ZNF449: variants seen among roughly 807,000 people sequenced by gnomAD.
The protein encoded by ZNF449 is zinc finger and SCAN domain-containing protein 19.
In ZNF449, 4 loss-of-function variants were observed where a neutral mutation model predicts 32.6. That is an observed-to-expected ratio of 0.12 (90% CI 0.06 to 0.28). ZNF449 has a LOEUF of 0.28. Among genes scored for constraint, ZNF449 ranks in the 10% least tolerant of loss-of-function variants. The pLI, the probability that ZNF449 is intolerant of heterozygous loss-of-function variation, is 1.00. For missense variants in ZNF449, 275 were observed against 383.2 expected (o/e 0.72, Z 2.36); for synonymous variants, 123 against 132.2 (o/e 0.93, Z 0.48).
intron 2 of ZNF449, 120 bp downstream of exon 2, chrX:135,347,592 C>T (rs1175558386): frequency 4.3e-6 from 5 of 1,165,211 alleles, no homozygotes; most frequent in Non-Finnish European, 4.6e-6. Context: ...CCAGAGTCCT[C>T]TTCCTTTTTC....
chrX:135,345,665 A>G (rs782806823), intron 1 of ZNF449, among the ~76,000 whole-genome samples: 1 of 112,357 alleles, frequency 8.9e-6, no homozygotes, highest in East Asian at 2.8e-4. Flanking sequence ...TCACACAGCT[A>G]GCAGGTTATT....
In ZNF449 at chrX:135,360,827, A is replaced by G. The variant is rs2084943060; in HGVS notation, c.1308A>G (p.Arg436=). ...CTCATACAGGTGAAAAACCTCATAGATGTCATAATTGTGGGAAAAGTTTTA... is the reference window on the plus strand; with the variant it reads ...CTCATACAGGTGAAAAACCTCATAGGTGTCATAATTGTGGGAAAAGTTTTA... ...LKTHTGEKPH[R]CHNCGKSFSR... Residue 436 remains arginine, a synonymous_variant, in exon 5 of 5, where the codon AGA becomes AGG. Coordinates refer to ENST00000339249, the MANE Select transcript of ZNF449 (RefSeq NM_152695.6). The G allele has an allele frequency of 8.3e-7, 1 of 1,211,320 alleles. No individual in the cohort carries two copies. Among genetic ancestry groups the G allele is most frequent in the Non-Finnish European group, 1.1e-6 (1 of 895,301 alleles).
At chrX:135,358,386 T>C (rs929392060) in intron 3 of ZNF449, among the ~76,000 whole-genome samples, 23 of 111,926 alleles carry the variant, frequency 2.1e-4, no homozygotes, top group Non-Finnish European at 1.1e-4. Context: ...AATACATATA[T>C]ATTATAACTT....
intron 3 of ZNF449, among the ~76,000 whole-genome samples, chrX:135,356,279 G>A (rs1448661372): frequency 1.8e-5 from 2 of 111,229 alleles, no homozygotes; most frequent in African/African-American, 3.3e-5. Flanking sequence ...TTTACATTCC[G>A]ACCAGCAGTG....
At chrX:135,349,843 A>C (rs1556449807) in intron 3 of ZNF449, among the ~76,000 whole-genome samples, 1 of 111,817 alleles carries the variant, frequency 8.9e-6, no homozygotes, top group Admixed American at 9.5e-5. Context: ...GTGCATGTTT[A>C]GCAAGCTCTG....
At position 135,362,947 on chromosome X, in the gene ZNF449, G is replaced by A. The variant is rs1417621958; in HGVS notation, c.*1871G>A. On this transcript the variant is annotated 3_prime_UTR_variant, in exon 5 of 5. Transcript: ENST00000339249. ...ACATATGATGCTGCTATAAGTCTGG[G>A]GCTCAAATTGATATCCCAGTAGCAA... The A allele has an allele frequency of 7.2e-5, 8 of 111,477 alleles. No homozygotes were observed. The highest frequency in any genetic ancestry group is 2.6e-4 in the African/African-American group (8 of 30,669). 9.2% of individuals were successfully genotyped at this position (111,477 alleles called of 1,213,427 possible).
chrX:135,357,757 G>C (rs1556452333), intron 3 of ZNF449, among the ~76,000 whole-genome samples: 1 of 110,583 alleles, frequency 9.0e-6, no homozygotes, highest in African/African-American at 3.3e-5. Flanking sequence ...TAGTAACAGG[G>C]GTTTTTTTGT....
rs1233845583 is a variant in ZNF449 at position 135,362,687 on chromosome X, A to G, written c.*1611A>G. 1 of 112,182 alleles carries G rather than the reference A, an allele frequency of 8.9e-6. No individual in the cohort carries two copies. The highest frequency in any genetic ancestry group is 1.9e-5 in the Non-Finnish European group (1 of 53,177). The allele number at this position is 112,182 out of a possible 1,213,427, so 9.2% of individuals were successfully genotyped here. A position where few individuals can be genotyped will look rare whatever the true frequency, so the allele number is the denominator to read the frequency against. The stretch of plus-strand genomic sequence containing the variant: ...TATTCCATTGAAGTTCTCGAGAGTG[A>G]TATAAATACTTTGGGGGGTATCTAC... On this transcript the variant is annotated 3_prime_UTR_variant, in exon 5 of 5. Transcript: ENST00000339249.
In ZNF449 at chrX:135,345,491, C is replaced by A. The variant is rs1019963483; in HGVS notation, c.-101+656C>A. 2.7e-5 allele frequency among the ~76,000 whole-genome samples: 3 copies of A among 112,054 alleles called. No individual in the cohort carries two copies. In the East Asian group the frequency reaches 8.4e-4, roughly 32 times the overall value. On this transcript the variant is annotated intron_variant, in intron 1 of 4. Coordinates refer to ENST00000339249, the MANE Select transcript of ZNF449 (RefSeq NM_152695.6). ...GTGCCTAGACTCTGGGAAATAGAGG[C>A]CCCCTAGGAATGACTCCTGACAAGC...
chrX:135,362,297 C>T lies in ZNF449; in HGVS notation c.*1221C>T, dbSNP rs1037385945. ...TCTCAATCTCTTTGAATTTTACTTA[C>T]ATTTACACACACACGCACACACATA... On this transcript the variant is annotated 3_prime_UTR_variant, in exon 5 of 5. Coordinates refer to ENST00000339249, the MANE Select transcript of ZNF449 (RefSeq NM_152695.6). The T allele has an allele frequency of 1.8e-5, 2 of 111,717 alleles. No homozygotes were observed. The highest frequency in any genetic ancestry group is 3.8e-5 in the Non-Finnish European group (2 of 53,047). The allele number at this position is 111,717 out of a possible 1,213,427, so 9.2% of individuals were successfully genotyped here.
chrX:135,348,714 T>C lies in ZNF449; in HGVS notation c.355-396T>C, dbSNP rs782595662. On this transcript the variant is annotated intron_variant, in intron 2 of 4. Coordinates refer to ENST00000339249, the MANE Select transcript of ZNF449 (RefSeq NM_152695.6). ...GCCCTTCCTTTCTCTGTCTCCTTGGTTTTGTTTACTATATAAGATTTTATC... is the reference window on the plus strand; with the variant it reads ...GCCCTTCCTTTCTCTGTCTCCTTGGCTTTGTTTACTATATAAGATTTTATC... 2.4e-5 allele frequency: 23 copies of C among 973,134 alleles called. No individual in the cohort carries two copies. The Admixed American group carries it at 5.4e-4, about 23-fold the overall frequency. 80.2% of individuals were successfully genotyped at this position (973,134 alleles called of 1,213,427 possible). A position where few individuals can be genotyped will look rare whatever the true frequency, so the allele number is the denominator to read the frequency against.
Position 135,361,296 on chromosome X carries a change from C to T in ZNF449, c.*220C>T. ...TTAGATTTGATTTCTTCTGTCTGCA[C>T]AACTCTTCTTTTTTTAATTACAATG... On this transcript the variant is annotated 3_prime_UTR_variant, in exon 5 of 5. Transcript: ENST00000339249. The T allele has an allele frequency of 3.3e-6, 1 of 299,617 alleles. No individual in the cohort carries two copies. Among genetic ancestry groups the T allele is most frequent in the South Asian group, 1.7e-4 (1 of 6,010 alleles). 24.7% of individuals were successfully genotyped at this position (299,617 alleles called of 1,213,427 possible). A position where few individuals can be genotyped will look rare whatever the true frequency, so the allele number is the denominator to read the frequency against.
Position 135,361,193 on chromosome X carries a change from CTT to C in ZNF449, c.*126_*127del, listed in dbSNP as rs1357134363. ...TTTGAGCTTATAAGAACATAGACAG[CTT>C]TTTTTTTTACTAGTTTTAAAACCCA... On this transcript the variant is annotated 3_prime_UTR_variant, in exon 5 of 5. Transcript: ENST00000339249. The C allele has an allele frequency of 2.6e-5, 14 of 534,244 alleles. No individual in the cohort carries two copies. Among genetic ancestry groups the C allele is most frequent in the Non-Finnish European group, 3.8e-5 (14 of 364,306 alleles). The allele number at this position is 534,244 out of a possible 1,213,427, so 44.0% of individuals were successfully genotyped here.
At position 135,361,981 on chromosome X, in the gene ZNF449, G is replaced by A. The variant is rs782001850; in HGVS notation, c.*905G>A. The A allele has an allele frequency of 3.6e-5, 4 of 111,352 alleles. No individual in the cohort carries two copies. The highest frequency in any genetic ancestry group is 5.7e-5 in the Non-Finnish European group (3 of 52,927). The allele number at this position is 111,352 out of a possible 1,213,427, so 9.2% of individuals were successfully genotyped here. A position where few individuals can be genotyped will look rare whatever the true frequency, so the allele number is the denominator to read the frequency against. On this transcript the variant is annotated 3_prime_UTR_variant, in exon 5 of 5. Transcript: ENST00000339249. ...GAAAAAGCACCTCTTTTGGCTCAAT[G>A]TTTTCCAAACTTATTTGACCCCAAA...
Position 135,360,874 on chromosome X carries a change from T to G in ZNF449, c.1355T>G (p.Leu452Trp). The change falls in exon 5 of 5, where the codon TTG becomes TGG. Residue 452 changes from leucine to tryptophan, a missense_variant. Physicochemically the swap from Leu to Trp is moderately conservative, Grantham distance 61. Around this residue, in one of 3 missense-constraint regions of ZNF449, gnomAD observed 80 missense variants for 146.6 expected, o/e 0.55. Coordinates refer to ENST00000339249, the MANE Select transcript of ZNF449 (RefSeq NM_152695.6). ...TTTAGTCGACTGACAGCTCTTACTTTGCACCAGAGAACGCATACTGAAGAG... is the reference window on the plus strand; with the variant it reads ...TTTAGTCGACTGACAGCTCTTACTTGGCACCAGAGAACGCATACTGAAGAG... ...KSFSRLTALT[L>W]HQRTHTEERP... 1 of 1,210,772 alleles carries G rather than the reference T, an allele frequency of 8.3e-7. No homozygotes were observed. Among genetic ancestry groups the G allele is most frequent in the Non-Finnish European group, 1.1e-6 (1 of 895,121 alleles).
chrX:135,358,622 A>T (rs1175186795), intron 3 of ZNF449, among the ~76,000 whole-genome samples: 1 of 112,181 alleles, frequency 8.9e-6, no homozygotes, highest in Non-Finnish European at 1.9e-5. Flanking sequence ...AAAAGAAAGA[A>T]GCAATACTGT....
At chrX:135,348,775 C>A in intron 2 of ZNF449, 1 of 1,012,119 alleles carries the variant, frequency 9.9e-7, no homozygotes, top group Non-Finnish European at 1.3e-6. Context: ...TGAATACAGT[C>A]ACTACTAGTC....
rs782243203 is a variant in ZNF449, at chrX:135,349,213, C to T, written c.458C>T (p.Pro153Leu). 1 of 1,211,798 alleles carries T rather than the reference C, an allele frequency of 8.3e-7. No individual in the cohort carries two copies. Among genetic ancestry groups the T allele is most frequent in the Non-Finnish European group, 1.1e-6 (1 of 895,466 alleles). Reference sequence around the variant, plus strand: ...TCACCTGCACTCCAGGTAATGGGACCTGCCCAGGAGGCCCCAGTAGCAGAG... The same window carrying T: ...TCACCTGCACTCCAGGTAATGGGACTTGCCCAGGAGGCCCCAGTAGCAGAG... ...LESPALQVMGPAQEAPVAEAW... is the reference protein window; with the variant it reads ...LESPALQVMGLAQEAPVAEAW... Residue 153 changes from proline (P) to leucine (L), a missense_variant, in exon 3 of 5, where the codon CCT becomes CTT. By Grantham distance (98) the Pro-to-Leu change is moderately conservative. Coordinates refer to ENST00000339249, the MANE Select transcript of ZNF449 (RefSeq NM_152695.6).
intron 3 of ZNF449, among the ~76,000 whole-genome samples, chrX:135,351,140 A>G (rs1293486297): frequency 9.0e-6 from 1 of 111,635 alleles, no homozygotes; most frequent in Non-Finnish European, 1.9e-5. Flanking sequence ...CCAGAATGAT[A>G]CACACAAATT....
Sources: allele counts gnomAD v4.1 joint callset (sites outside exome capture counted in the v4.1 genomes callset), GRCh38; gene constraint gnomAD v4.1.1; regional missense constraint gnomAD v4.1.1; transcripts MANE v1.5; gene names NCBI Gene and HGNC (gene_info 2026-07-23, HGNC 2026-07-21).